ITGAM: variants seen among roughly 807,000 people sequenced by gnomAD.
ITGAM encodes integrin alpha-M.
A neutral mutation model predicts 137.5 loss-of-function variants in ITGAM; 79 were observed. That is an observed-to-expected ratio of 0.57 (90% CI 0.48 to 0.69). ITGAM has a LOEUF of 0.69. Ranked by LOEUF, ITGAM falls within the 30% of genes least tolerant of loss-of-function variation. The pLI, the probability that ITGAM is intolerant of heterozygous loss-of-function variation, is 0.00. For missense variants in ITGAM, 1,343 were observed against 1,483.5 expected (o/e 0.91, Z 1.56); for synonymous variants, 583 against 592.3 (o/e 0.98, Z 0.23).
At position 31,275,618 on chromosome 16, in the gene ITGAM, G is replaced by C. The variant is rs767115141; in HGVS notation, c.928G>C (p.Asp310His). The change falls in exon 9 of 30, where the codon GAT becomes CAT. Residue 310 changes from aspartate (D) to histidine (H), a missense_variant. Physicochemically the swap from Asp to His is moderately conservative, Grantham distance 81. Transcript: ENST00000544665. The stretch of plus-strand genomic sequence containing the variant: ...TACCATCGCATCCAAGCCGCCTCGT[G>C]ATCACGTGTTCCAGGTGAATAACTT... Reference protein sequence around the residue: ...LNTIASKPPRDHVFQVNNFEA... With the variant: ...LNTIASKPPRHHVFQVNNFEA... The C allele has an allele frequency of 6.2e-7, 1 of 1,613,928 alleles. No homozygotes were observed. The highest frequency in any genetic ancestry group is 8.5e-7 in the Non-Finnish European group (1 of 1,179,854).
At chr16:31,274,589 A>G (rs953087820) in intron 8 of ITGAM, among the ~76,000 whole-genome samples, 3 of 144,348 alleles carry the variant, frequency 2.1e-5, no homozygotes, top group African/African-American at 8.5e-5. Flanking sequence ...TGTAGTCTTT[A>G]TTTGTTTATT....
At position 31,273,505 on chromosome 16, in the gene ITGAM, G is replaced by A. The variant is rs2079874895; in HGVS notation, c.845G>A (p.Arg282His). 1.9e-6 allele frequency: 3 copies of A among 1,613,470 alleles called. No homozygotes were observed. Among genetic ancestry groups the A allele is most frequent in the Non-Finnish European group, 2.5e-6 (3 of 1,179,688 alleles). ...GAGGCAGACAGAGAGGGAGTCATTC[G>A]CTACGTCATTGGGGTAGGGAATGCA... ...IPEADREGVI[R>H]YVIGVGDAFR... The change falls in exon 8 of 30, where the codon CGC becomes CAC. Residue 282 changes from arginine (R) to histidine (H), a missense_variant. Arg to His is a conservative substitution (Grantham distance 29). Coordinates refer to ENST00000544665, the MANE Select transcript of ITGAM (RefSeq NM_000632.4).
In ITGAM at chr16:31,329,293, A is replaced by T; in HGVS notation, c.2858A>T (p.His953Leu). The T allele has an allele frequency of 6.2e-7, 1 of 1,611,150 alleles. No individual in the cohort carries two copies. The highest frequency in any genetic ancestry group is 8.5e-7 in the Non-Finnish European group (1 of 1,177,590). The change falls in exon 24 of 30, where the codon CAT becomes CTT. Residue 953 changes from histidine to leucine, a missense_variant. By Grantham distance (99) the His-to-Leu change is moderately conservative (BLOSUM62 -3). Transcript: ENST00000544665. ...GAGAATACCAGTCGGGTCATGCAGC[A>T]TCAATATCAGGTGGGCAGCTGGGAC... is the stretch of plus-strand genomic sequence containing the variant. ...ASENTSRVMQ[H>L]QYQVSNLGQR...
chr16:31,300,684 G>A (rs951235282), intron 14 of ITGAM, among the ~76,000 whole-genome samples: 10 of 152,200 alleles, frequency 6.6e-5, no homozygotes, highest in Non-Finnish European at 1.0e-4. Flanking sequence ...GCCGAGGCGG[G>A]TGTATCACCT....
chr16:31,286,564 T>C (rs2080031612), intron 12 of ITGAM, among the ~76,000 whole-genome samples: 1 of 152,224 alleles, frequency 6.6e-6, no homozygotes, highest in Non-Finnish European at 1.5e-5. Context: ...GGTATCTCAT[T>C]GTGGTTTATG....
chr16:31,298,209 A>G (rs990432033), intron 14 of ITGAM, among the ~76,000 whole-genome samples: 11 of 146,756 alleles, frequency 7.5e-5, no homozygotes, highest in Non-Finnish European at 8.9e-5. Context: ...CTCTCCAAAA[A>G]AAAAAAAAAA....
chr16:31,268,172 C>T (rs1476191903), intron 5 of ITGAM, among the ~76,000 whole-genome samples: 1 of 152,112 alleles, frequency 6.6e-6, no homozygotes. Flanking sequence ...GGCTGGCCTC[C>T]AGCTTCCCTC....
intron 14 of ITGAM, among the ~76,000 whole-genome samples, chr16:31,304,515 G>T (rs528912221): frequency 6.6e-6 from 1 of 152,108 alleles, no homozygotes; most frequent in East Asian, 1.9e-4. Flanking sequence ...TTGGGGTCTT[G>T]GTCATGAATT....
At chr16:31,307,801 T>A (rs1298721276) in intron 14 of ITGAM, among the ~76,000 whole-genome samples, 1 of 152,130 alleles carries the variant, frequency 6.6e-6, no homozygotes. Flanking sequence ...AGATAGCTCT[T>A]ATTATTTTGA....
intron 28 of ITGAM, 94 bp from the exon 29 acceptor site, chr16:31,331,071 G>A: frequency 1.5e-6 from 1 of 674,268 alleles, no homozygotes; most frequent in South Asian, 1.8e-5. Context: ...ATGAGGAGGG[G>A]TTCCCCACTT....
chr16:31,271,019 G>A lies in ITGAM; in HGVS notation c.493G>A (p.Asp165Asn). 1 of 1,589,168 alleles carries A rather than the reference G, an allele frequency of 6.3e-7. No homozygotes were observed. The highest frequency in any genetic ancestry group is 8.6e-7 in the Non-Finnish European group (1 of 1,165,182). ...IDGSGSIIPH[D>N]FRRMKEFVST... ...TGGCTCTGGTAGCATCATCCCACAT[G>A]ACTTTCGGCGGATGAAGGAGTTTGT... is the stretch of plus-strand genomic sequence containing the variant. The change falls in exon 6 of 30, where the codon GAC (aspartate) becomes AAC (asparagine). Residue 165 changes from aspartate (D) to asparagine (N), a missense_variant. Coordinates refer to ENST00000544665, the MANE Select transcript of ITGAM (RefSeq NM_000632.4).
chr16:31,265,777 A>T (rs2144260634), intron 3 of ITGAM, 34 bp from the exon 4 acceptor site: 1 of 1,597,174 alleles, frequency 6.3e-7, no homozygotes, highest in East Asian at 2.2e-5. Flanking sequence ...CTGTCCCCCC[A>T]CCAGGGTGAC....
intron 23 of ITGAM, among the ~76,000 whole-genome samples, chr16:31,328,489 T>G (rs1355251939): frequency 1.3e-5 from 2 of 151,502 alleles, no homozygotes; most frequent in Non-Finnish European, 2.9e-5. Context: ...TGCATGGGCG[T>G]GTATTTGTGG....
In ITGAM at chr16:31,326,897, C is replaced by G. The variant is rs371245740; in HGVS notation, c.2670C>G (p.Ser890=). The change falls in exon 22 of 30, where the codon TCC becomes TCG. Residue 890 remains serine, a synonymous_variant. Transcript: ENST00000544665. ...NITFDVDSKA[S]LGNKLLLKAN... ...CGTTTGATGTAGACTCTAAGGCTTC[C>G]CTTGGAAACAAACTGCTCCTCAAGG... 1.6e-4 allele frequency: 255 copies of G among 1,613,578 alleles called. No individual in the cohort carries two copies. The African/African-American group carries it at 3.2e-3, about 20-fold the overall frequency.
intron 14 of ITGAM, among the ~76,000 whole-genome samples, chr16:31,319,971 C>A (rs930921888): frequency 4.6e-5 from 7 of 152,030 alleles, no homozygotes; most frequent in African/African-American, 1.2e-4. Context: ...CACCACCTCT[C>A]CTGGCTAATT....
rs1407953293 is a variant in ITGAM, at chr16:31,331,891, GCACA to G, written c.*185_*188del. On this transcript the variant is annotated 3_prime_UTR_variant, in exon 30 of 30. Coordinates refer to ENST00000544665, the MANE Select transcript of ITGAM (RefSeq NM_000632.4). ...TGCAAGTGTCTGTGTGCAAGTGTGTGCACATGTGTGCGTGTGCGTGCATGTGCAC... is the reference window on the plus strand; with the variant it reads ...TGCAAGTGTCTGTGTGCAAGTGTGTGTGTGTGCGTGTGCGTGCATGTGCAC... 2 of 554,664 alleles carry G rather than the reference GCACA, an allele frequency of 3.6e-6. No individual in the cohort carries two copies. The highest frequency in any genetic ancestry group is 7.2e-5 in the Admixed American group (2 of 27,896). 34.4% of individuals were successfully genotyped at this position (554,664 alleles called of 1,614,324 possible).
chr16:31,273,315 A>G (rs374877170), intron 7 of ITGAM, 50 bp from the exon 8 acceptor site: 75 of 1,486,066 alleles, frequency 5.0e-5, no homozygotes, highest in Non-Finnish European at 6.3e-5. Flanking sequence ...AAAAAAAACT[A>G]GTGTGTCATC....
chr16:31,328,228 C>T lies in ITGAM; in HGVS notation c.2790C>T (p.Thr930=), dbSNP rs909277431. The change falls in exon 23 of 30, where the codon ACC becomes ACT. Residue 930 remains threonine (T), a splice_region_variant and synonymous_variant. Transcript: ENST00000544665. The stretch of plus-strand genomic sequence containing the variant: ...AATATGCTGTCTACATGGTGGTCAC[C>T]AGGTGCTGGCTTCCAGGACTTTAGC... The part of the protein sequence containing the change: ...PVKYAVYMVV[T]SHGVSTKYLN... 5.0e-6 allele frequency: 8 copies of T among 1,613,358 alleles called. No individual in the cohort carries two copies. The Admixed American group carries it at 5.0e-5, about 10-fold the overall frequency.
chr16:31,318,948 TA>T (rs1179931874), intron 14 of ITGAM, among the ~76,000 whole-genome samples: 13 of 152,322 alleles, frequency 8.5e-5, no homozygotes, highest in Admixed American at 6.5e-4. Context: ...TTTTCTAATT[TA>T]TTTTTTTATC....
Sources: gnomAD v4.1 joint callset for allele counts (sites outside exome capture counted in the v4.1 genomes callset) on GRCh38, gnomAD v4.1.1 for gene constraint, MANE v1.5 for transcripts, NCBI Gene and HGNC (gene_info 2026-07-23, HGNC 2026-07-21) for gene names.